AFF2: variants seen among roughly 807,000 people sequenced by gnomAD.
AFF2 encodes the protein AF4/FMR2 family member 2.
Under a neutral mutation model 76.9 loss-of-function variants are expected in AFF2, and 14 were observed. That is an observed-to-expected ratio of 0.18 (90% CI 0.12 to 0.28). AFF2 has a LOEUF of 0.28. Ranked by LOEUF, AFF2 falls within the 10% of genes least tolerant of loss-of-function variation. The pLI, the probability that AFF2 is intolerant of heterozygous loss-of-function variation, is 1.00. For missense variants in AFF2, 868 were observed against 1,001.1 expected (o/e 0.87, Z 1.79); for synonymous variants, 398 against 366.7 (o/e 1.09, Z -0.98).
Position 148,991,382 on chromosome X carries a change from A to C in AFF2, c.*50A>C. The stretch of plus-strand genomic sequence containing the variant: ...CACGACCCATCACTCTACCTCTACC[A>C]GCGCACTGATGGTCACTGGTGGAAC... On this transcript the variant is annotated 3_prime_UTR_variant, in exon 21 of 21. Transcript: ENST00000370460. The C allele has an allele frequency of 8.9e-7, 1 of 1,129,116 alleles. No individual in the cohort carries two copies. Among genetic ancestry groups the C allele is most frequent in the East Asian group, 3.2e-5 (1 of 31,335 alleles). 93.1% of individuals were successfully genotyped at this position (1,129,116 alleles called of 1,213,427 possible). A position where few individuals can be genotyped will look rare whatever the true frequency, so the allele number is the denominator to read the frequency against.
intron 3 of AFF2, among the ~76,000 whole-genome samples, chrX:148,748,092 C>T (rs1280448899): frequency 4.5e-5 from 5 of 111,875 alleles, no homozygotes; most frequent in African/African-American, 1.3e-4. Flanking sequence ...AGTAATTTTT[C>T]AATGACGGCT....
At chrX:148,868,179 A>G (rs1316001551) in intron 7 of AFF2, among the ~76,000 whole-genome samples, 1 of 111,272 alleles carries the variant, frequency 9.0e-6, no homozygotes, top group African/African-American at 3.3e-5. Flanking sequence ...CTGACACTGG[A>G]TCCCATCCAA....
Position 148,855,209 on chromosome X carries a change from G to A in AFF2, c.1262+11776G>A, listed in dbSNP as rs531380068. 4.5e-5 allele frequency among the ~76,000 whole-genome samples: 5 copies of A among 111,231 alleles called. No homozygotes were observed. In the East Asian group the frequency reaches 1.4e-3, roughly 32 times the overall value. On this transcript the variant is annotated intron_variant, in intron 7 of 20. Coordinates refer to ENST00000370460, the MANE Select transcript of AFF2 (RefSeq NM_002025.4). ...GAATCGCCTCTCACCTCATTTGCGA[G>A]TCTCTTCATTTTGGTTTGGTCAGCG...
At chrX:148,912,445 C>A (rs1208072375) in intron 9 of AFF2, among the ~76,000 whole-genome samples, 2 of 111,401 alleles carry the variant, frequency 1.8e-5, no homozygotes, top group Admixed American at 1.9e-4. Context: ...GAACAACAGA[C>A]AACTGGGCCT....
chrX:148,966,303 G>T (rs1557288668), intron 13 of AFF2, among the ~76,000 whole-genome samples: 2 of 111,571 alleles, frequency 1.8e-5, no homozygotes, highest in Non-Finnish European at 3.8e-5. Context: ...CTGGTATTTT[G>T]CAGAGTGACC....
At chrX:148,627,513 A>G (rs1256299102) in intron 1 of AFF2, among the ~76,000 whole-genome samples, 4 of 112,025 alleles carry the variant, frequency 3.6e-5, no homozygotes, top group African/African-American at 1.3e-4. Flanking sequence ...TGGCCTGGGA[A>G]AGACTGAACA....
chrX:148,515,861 G>A lies in AFF2; in HGVS notation c.47+14717G>A, dbSNP rs1557233745. 4.5e-5 allele frequency among the ~76,000 whole-genome samples: 5 copies of A among 111,505 alleles called. No homozygotes were observed. The South Asian group carries it at 1.9e-3, about 42-fold the overall frequency. On this transcript the variant is annotated intron_variant, in intron 1 of 20. Coordinates refer to ENST00000370460, the MANE Select transcript of AFF2 (RefSeq NM_002025.4). ...GGTCCTTAAGGGGGATGAGAGTGAG[G>A]CCAACCCCTTGTTCAGTCTCCCCAC... is the stretch of plus-strand genomic sequence containing the variant.
At chrX:148,714,445 G>A (rs1449400062) in intron 3 of AFF2, among the ~76,000 whole-genome samples, 1 of 111,128 alleles carries the variant, frequency 9.0e-6, no homozygotes, top group Non-Finnish European at 1.9e-5. Flanking sequence ...TTTTAAGATA[G>A]AAAACTCTGA....
At chrX:148,961,365 GT>G (rs1329404335) in intron 12 of AFF2, among the ~76,000 whole-genome samples, 3 of 112,254 alleles carry the variant, frequency 2.7e-5, no homozygotes, top group Non-Finnish European at 5.6e-5. Context: ...TAATCCATAT[GT>G]TCACCATCAT....
intron 12 of AFF2, among the ~76,000 whole-genome samples, chrX:148,959,917 G>A (rs2072088431): frequency 8.9e-6 from 1 of 112,834 alleles, no homozygotes; most frequent in South Asian, 3.7e-4. Context: ...GGGCCATCCA[G>A]CCTTGCCACA....
intron 3 of AFF2, among the ~76,000 whole-genome samples, chrX:148,676,877 G>A (rs241124): frequency 0.43 from 46,772 of 109,540 alleles, 7,691 homozygotes; most frequent in Middle Eastern, 0.54. Context: ...CTACATGATG[G>A]GGAGTCTTTT....
chrX:148,870,792 T>A (rs1489068418), intron 7 of AFF2, among the ~76,000 whole-genome samples: 4 of 111,940 alleles, frequency 3.6e-5, no homozygotes, highest in Non-Finnish European at 7.5e-5. Flanking sequence ...AGGAACACCC[T>A]TTTTACTTCC....
At chrX:148,502,155 A>T (rs184021235) in intron 1 of AFF2, among the ~76,000 whole-genome samples, 133 of 112,374 alleles carry the variant, frequency 1.2e-3, no homozygotes, top group African/African-American at 4.1e-3. Context: ...AGTCTAAGGA[A>T]TTAGATGGGG....
chrX:148,834,396 T>A (rs1244489329), intron 4 of AFF2, among the ~76,000 whole-genome samples: 1 of 110,940 alleles, frequency 9.0e-6, no homozygotes, highest in African/African-American at 3.3e-5. Context: ...CAGTTGCCCG[T>A]TGGGAATATG....
intron 1 of AFF2, among the ~76,000 whole-genome samples, chrX:148,547,970 C>T (rs1256313777): frequency 8.9e-6 from 1 of 112,213 alleles, no homozygotes; most frequent in Non-Finnish European, 1.9e-5. Flanking sequence ...CTCCACTGCT[C>T]ATACCGCTAA....
At chrX:148,776,702 G>T (rs6641462) in intron 3 of AFF2, among the ~76,000 whole-genome samples, 1 of 109,608 alleles carries the variant, frequency 9.1e-6, no homozygotes, top group Non-Finnish European at 1.9e-5. Flanking sequence ...TTTTGATGGG[G>T]TTGTTTTTTT....
intron 7 of AFF2, among the ~76,000 whole-genome samples, chrX:148,881,812 G>C (rs1255601716): frequency 9.0e-6 from 1 of 111,500 alleles, no homozygotes; most frequent in Admixed American, 9.5e-5. Context: ...ATAGCTGGTA[G>C]CTGTATTGGC....
chrX:148,918,593 T>C (rs1261175318), intron 9 of AFF2, among the ~76,000 whole-genome samples: 1 of 111,341 alleles, frequency 9.0e-6, no homozygotes, highest in African/African-American at 3.3e-5. Context: ...GAGACACAAA[T>C]TCGGAAATAT....
intron 3 of AFF2, among the ~76,000 whole-genome samples, chrX:148,759,981 A>G (rs1440200479): frequency 1.8e-5 from 2 of 112,308 alleles, no homozygotes; most frequent in Non-Finnish European, 3.8e-5. Flanking sequence ...ACTTGCTTTG[A>G]GCCACAGTAG....
Sources: gnomAD v4.1 joint callset for allele counts (sites outside exome capture counted in the v4.1 genomes callset) on GRCh38, gnomAD v4.1.1 for gene constraint, MANE v1.5 for transcripts, NCBI Gene and HGNC (gene_info 2026-07-23, HGNC 2026-07-21) for gene names.